RBFOX1: variants seen among roughly 807,000 people sequenced by gnomAD.
The protein encoded by RBFOX1 is RNA binding protein fox-1 homolog 1.
A neutral mutation model predicts 57.7 loss-of-function variants in RBFOX1; 8 were observed. The observed-to-expected ratio is 0.14, with a 90% CI of 0.08 to 0.25. The LOEUF (loss-of-function observed/expected upper bound fraction) is 0.25. Ranked by LOEUF, RBFOX1 falls within the 10% of genes least tolerant of loss-of-function variation. The pLI, the probability that RBFOX1 is intolerant of heterozygous loss-of-function variation, is 1.00. For synonymous variants in RBFOX1, 326 were observed against 222.4 expected, an observed-to-expected ratio of 1.47 and a Z score of -4.15; for missense variants, 611 against 548.5, an observed-to-expected ratio of 1.11 and a Z score of -1.14.
chr16:6,664,359 G>T (rs113794028), intron 3 of RBFOX1, among the ~76,000 whole-genome samples: 193 of 152,292 alleles, frequency 1.3e-3, no homozygotes, highest in African/African-American at 4.3e-3. Context: ...TAGCCAGCCT[G>T]TTGTTTAGGG....
chr16:6,959,693 T>C (rs2082565329), intron 3 of RBFOX1, among the ~76,000 whole-genome samples: 1 of 152,042 alleles, frequency 6.6e-6, no homozygotes, highest in Non-Finnish European at 1.5e-5. Context: ...TCTCTAAACT[T>C]GGGGAGGCTG....
intron 4 of RBFOX1, among the ~76,000 whole-genome samples, chr16:7,370,342 C>T (rs1262953104): frequency 6.6e-6 from 1 of 152,184 alleles, no homozygotes; most frequent in East Asian, 1.9e-4. Flanking sequence ...TGATGGGTAA[C>T]TAGGGCCTAA....
chr16:7,130,530 G>A (rs1043347756), intron 4 of RBFOX1, among the ~76,000 whole-genome samples: 2 of 152,170 alleles, frequency 1.3e-5, no homozygotes, highest in Non-Finnish European at 2.9e-5. Context: ...CAGAGAGAGT[G>A]CACTGCAAGT....
intron 3 of RBFOX1, among the ~76,000 whole-genome samples, chr16:5,617,332 C>T (rs532017214): frequency 3.3e-5 from 5 of 152,306 alleles, no homozygotes; most frequent in Admixed American, 6.5e-5. Context: ...CTTATTCCTG[C>T]TACCCATGGT....
intron 4 of RBFOX1, among the ~76,000 whole-genome samples, chr16:7,087,608 G>A (rs1196894790): frequency 1.3e-5 from 2 of 152,016 alleles, no homozygotes; most frequent in Non-Finnish European, 2.9e-5. Flanking sequence ...GAGGGAGAGA[G>A]AGAGAGGCAG....
chr16:6,356,330 A>G (rs2087311239), intron 2 of RBFOX1, among the ~76,000 whole-genome samples: 1 of 152,214 alleles, frequency 6.6e-6, no homozygotes, highest in African/African-American at 2.4e-5. Flanking sequence ...AGCATGTCAC[A>G]TTAATTGTTG....
At chr16:5,906,229 C>A (rs1483453034) in intron 4 of RBFOX1, among the ~76,000 whole-genome samples, 1 of 152,080 alleles carries the variant, frequency 6.6e-6, no homozygotes. Flanking sequence ...CTTGTAGATA[C>A]AATTAGTTAA....
intron 4 of RBFOX1, among the ~76,000 whole-genome samples, chr16:7,342,927 T>G (rs1322427211): frequency 6.6e-6 from 1 of 152,094 alleles, no homozygotes; most frequent in Non-Finnish European, 1.5e-5. Context: ...AAGAAACACG[T>G]GAAGGAGAGT....
intron 1 of RBFOX1, among the ~76,000 whole-genome samples, chr16:6,232,494 A>T (rs576379186): frequency 6.6e-6 from 1 of 152,202 alleles, no homozygotes; most frequent in Admixed American, 6.5e-5. Context: ...TTTCATCTTC[A>T]TGAAATTCTG....
intron 1 of RBFOX1, among the ~76,000 whole-genome samples, chr16:6,163,436 T>C (rs754741391): frequency 6.6e-6 from 1 of 152,254 alleles, no homozygotes; most frequent in African/African-American, 2.4e-5. Context: ...ATTGTTGTTA[T>C]AGCCCTTGGT....
At chr16:6,147,387 A>C (rs577955358) in intron 1 of RBFOX1, among the ~76,000 whole-genome samples, 1 of 152,226 alleles carries the variant, frequency 6.6e-6, no homozygotes, top group East Asian at 1.9e-4. Flanking sequence ...ATCCAGTCCC[A>C]AGCACCCGGG....
At chr16:6,614,378 A>C (rs1166055426) in intron 2 of RBFOX1, among the ~76,000 whole-genome samples, 2 of 152,184 alleles carry the variant, frequency 1.3e-5, no homozygotes, top group East Asian at 1.9e-4. Flanking sequence ...TTTTTCTTTT[A>C]GAAAGAATAT....
At chr16:6,530,837 A>G (rs1048697625) in intron 2 of RBFOX1, among the ~76,000 whole-genome samples, 1 of 150,734 alleles carries the variant, frequency 6.6e-6, no homozygotes, top group African/African-American at 2.4e-5. Flanking sequence ...ATTACCTTCC[A>G]CCGGATCCCT....
intron 3 of RBFOX1, among the ~76,000 whole-genome samples, chr16:6,933,167 C>A (rs1320505512): frequency 1.3e-5 from 2 of 152,196 alleles, no homozygotes; most frequent in Admixed American, 6.5e-5. Flanking sequence ...GGGTTCCTTC[C>A]ACACTTGAGT....
At chr16:7,120,999 G>A (rs1447861242) in intron 4 of RBFOX1, among the ~76,000 whole-genome samples, 2 of 151,672 alleles carry the variant, frequency 1.3e-5, no homozygotes, top group Non-Finnish European at 2.9e-5. Context: ...ACACAATAAA[G>A]AAGAAAACTA....
intron 3 of RBFOX1, among the ~76,000 whole-genome samples, chr16:7,010,417 T>C (rs958488737): frequency 1.3e-5 from 2 of 152,272 alleles, no homozygotes; most frequent in East Asian, 3.9e-4. Flanking sequence ...TTATATGCAT[T>C]GGCCAGTGAG....
At chr16:7,530,122 G>T (rs1430779159) in intron 5 of RBFOX1, among the ~76,000 whole-genome samples, 1 of 151,864 alleles carries the variant, frequency 6.6e-6, no homozygotes, top group Non-Finnish European at 1.5e-5. Context: ...GAGATTCATA[G>T]AATGTTAGAG....
At chr16:5,950,130 A>T (rs901852747) in intron 4 of RBFOX1, among the ~76,000 whole-genome samples, 1 of 152,206 alleles carries the variant, frequency 6.6e-6, no homozygotes, top group Non-Finnish European at 1.5e-5. Flanking sequence ...TCCACCTGTA[A>T]TTGGTAAGAA....
intron 3 of RBFOX1, among the ~76,000 whole-genome samples, chr16:6,892,588 T>C (rs2065725663): frequency 6.6e-6 from 1 of 152,146 alleles, no homozygotes; most frequent in Admixed American, 6.5e-5. Context: ...AAGGATCACT[T>C]GAACCTGGGA....
Sources: allele counts gnomAD v4.1 joint callset (sites outside exome capture counted in the v4.1 genomes callset), GRCh38; gene constraint gnomAD v4.1.1; transcripts MANE v1.5; gene names NCBI Gene and HGNC (gene_info 2026-07-23, HGNC 2026-07-21).